NDUFAF6: variants seen among roughly 807,000 people sequenced by gnomAD.
The protein encoded by NDUFAF6 is NADH dehydrogenase (ubiquinone) complex I, assembly factor 6.
Under a neutral mutation model 40.8 loss-of-function variants are expected in NDUFAF6, and 45 were observed. The observed-to-expected ratio is 1.10, with a 90% confidence interval of 0.87 to 1.42. The LOEUF (loss-of-function observed/expected upper bound fraction) is 1.42. Ranked by LOEUF, NDUFAF6 falls within the 40% of genes most tolerant of loss-of-function variation. The pLI is 0.00. For synonymous variants in NDUFAF6, 185 were observed against 155.9 expected, an observed-to-expected ratio of 1.19 and a Z score of -1.39; for missense variants, 435 against 418.5, an observed-to-expected ratio of 1.04 and a Z score of -0.34.
chr8:94,958,769 C>T (rs1823305614), intron 1 of NDUFAF6, among the ~76,000 whole-genome samples: 1 of 152,106 alleles, frequency 6.6e-6, no homozygotes, highest in Non-Finnish European at 1.5e-5. Flanking sequence ...CCTCAGCCTC[C>T]CGAAGTACTG....
At chr8:95,063,851 A>G (rs1832631255) in intron 9 of NDUFAF6, among the ~76,000 whole-genome samples, 1 of 150,212 alleles carries the variant, frequency 6.7e-6, no homozygotes, top group East Asian at 2.0e-4. Context: ...CTATTTTGCT[A>G]TGTCCTATAT....
intron 6 of NDUFAF6, among the ~76,000 whole-genome samples, chr8:95,048,148 T>C (rs1044171376): frequency 8.5e-5 from 13 of 152,100 alleles, no homozygotes; most frequent in African/African-American, 3.1e-4. Context: ...GAGCCATGAT[T>C]GCACCACTGC....
At chr8:94,907,387 A>G (rs1818460354) in intron 1 of NDUFAF6, among the ~76,000 whole-genome samples, 1 of 152,192 alleles carries the variant, frequency 6.6e-6, no homozygotes, top group South Asian at 2.1e-4. Flanking sequence ...GATGGAGGCT[A>G]GTGATCCATT....
intron 2 of NDUFAF6, among the ~76,000 whole-genome samples, chr8:95,033,120 A>C (rs1383328674): frequency 6.6e-6 from 1 of 152,150 alleles, no homozygotes; most frequent in Non-Finnish European, 1.5e-5. Context: ...AGCTTATTGT[A>C]ACCTTGAACT....
At chr8:94,961,898 C>G (rs188684318) in intron 1 of NDUFAF6, among the ~76,000 whole-genome samples, 1 of 152,330 alleles carries the variant, frequency 6.6e-6, no homozygotes, top group East Asian at 1.9e-4. Context: ...TCAAAATCCC[C>G]TGGAGGGCTT....
In NDUFAF6 at chr8:95,046,983, T is replaced by C. The variant is rs1304773256; in HGVS notation, c.581-11T>C. On this transcript the variant is annotated splice_polypyrimidine_tract_variant and intron_variant, in intron 5 of 8. Transcript: ENST00000396124. ...GAATAGAGCAGCCCTGTGTAATTTC[T>C]GAAATCATAGGTATAAAGGATCTTC... The C allele has an allele frequency of 1.2e-6, 2 of 1,613,860 alleles. No individual in the cohort carries two copies. The highest frequency in any genetic ancestry group is 4.5e-5 in the East Asian group (2 of 44,878).
chr8:95,107,007 G>A (rs1456940090), downstream of NDUFAF6, among the ~76,000 whole-genome samples: 8 of 152,240 alleles, frequency 5.3e-5, no homozygotes, highest in Non-Finnish European at 1.0e-4. Context: ...AGGATGTGGA[G>A]AAGTAGGAAC....
intron 1 of NDUFAF6, among the ~76,000 whole-genome samples, chr8:94,923,465 G>A (rs974644988): frequency 6.6e-6 from 1 of 152,110 alleles, no homozygotes; most frequent in Non-Finnish European, 1.5e-5. Context: ...ACAACTAGAT[G>A]CTCAAAGAAA....
intron 2 of NDUFAF6, among the ~76,000 whole-genome samples, chr8:94,985,532 T>G (rs1825829249): frequency 3.1e-5 from 2 of 63,540 alleles, no homozygotes; most frequent in African/African-American, 1.3e-4. Flanking sequence ...TTTTTTTTTT[T>G]TTTTTTTTTT....
At chr8:95,021,796 T>C (rs1827702098), upstream of NDUFAF6, among the ~76,000 whole-genome samples, 2 of 152,298 alleles carry the variant, frequency 1.3e-5, no homozygotes, top group African/African-American at 4.8e-5. Context: ...TCATAGCAAA[T>C]TATCAAACCT....
At chr8:95,109,641 G>A (rs1479339716) in intron 4 of NDUFAF6, among the ~76,000 whole-genome samples, 2 of 151,950 alleles carry the variant, frequency 1.3e-5, no homozygotes, top group African/African-American at 4.8e-5. Context: ...GAACCCATAT[G>A]TCTGTCCATT....
At chr8:95,088,631 G>A (rs1412102303) in intron 2 of NDUFAF6, among the ~76,000 whole-genome samples, 1 of 150,964 alleles carries the variant, frequency 6.6e-6, no homozygotes, top group Non-Finnish European at 1.5e-5. Flanking sequence ...GTGATCTCAG[G>A]CTTTGGCTTC....
downstream of NDUFAF6, among the ~76,000 whole-genome samples, chr8:95,062,902 G>A (rs1280563170): frequency 6.6e-6 from 1 of 152,194 alleles, no homozygotes. Context: ...AAATGTAAAT[G>A]GGGATTCTGT....
intron 2 of NDUFAF6, among the ~76,000 whole-genome samples, chr8:94,992,890 A>G (rs1417614654): frequency 1.3e-5 from 2 of 152,216 alleles, no homozygotes; most frequent in Admixed American, 6.5e-5. Flanking sequence ...ACCCCAAACC[A>G]CAAGGAGTTT....
At chr8:95,052,020 G>A (rs1262692503) in intron 7 of NDUFAF6, among the ~76,000 whole-genome samples, 154 bp from the exon 8 acceptor site, 1 of 152,124 alleles carries the variant, frequency 6.6e-6, no homozygotes, top group Non-Finnish European at 1.5e-5. Flanking sequence ...AGTCCTTTAG[G>A]CCTAGGAAAC....
chr8:95,108,819 A>T (rs1809914486), intron 4 of NDUFAF6, among the ~76,000 whole-genome samples: 1 of 152,214 alleles, frequency 6.6e-6, no homozygotes, highest in Admixed American at 6.5e-5. Flanking sequence ...TTACAATTTT[A>T]TCTAGTAATT....
At chr8:95,114,667 CTCTT>C (rs1810089618) in intron 4 of NDUFAF6, among the ~76,000 whole-genome samples, 1 of 152,152 alleles carries the variant, frequency 6.6e-6, no homozygotes, top group African/African-American at 2.4e-5. Flanking sequence ...GTTCTATAAT[CTCTT>C]TCATTCACCC....
intron 1 of NDUFAF6, among the ~76,000 whole-genome samples, chr8:94,917,308 T>C (rs987307436): frequency 7.2e-5 from 11 of 152,192 alleles, no homozygotes; most frequent in African/African-American, 2.7e-4. Flanking sequence ...CAAATATCTT[T>C]GCATTAACCT....
chr8:94,940,998 C>A (rs2131369403), intron 1 of NDUFAF6: 8 of 1,399,914 alleles, frequency 5.7e-6, no homozygotes, highest in East Asian at 2.3e-5. Flanking sequence ...GATTTCAAAA[C>A]CTTGTCTTTA....
Sources: allele counts gnomAD v4.1 joint callset (sites outside exome capture counted in the v4.1 genomes callset), GRCh38; gene constraint gnomAD v4.1.1; transcripts MANE v1.5; gene names NCBI Gene and HGNC (gene_info 2026-07-23, HGNC 2026-07-21).